PDE4B: variants seen among roughly 807,000 people sequenced by gnomAD.
PDE4B encodes the protein phosphodiesterase 4B.
Under a neutral mutation model 82.2 loss-of-function variants are expected in PDE4B, and 20 were observed. The ratio of observed to expected loss-of-function variants is 0.24; its 90% CI spans 0.17 to 0.35. The LOEUF is 0.35. Ranked by LOEUF, PDE4B falls within the 10% of genes least tolerant of loss-of-function variation. PDE4B has a pLI of 1.00. For missense variants in PDE4B, 655 were observed against 907.2 expected (o/e 0.72, Z 3.57); for synonymous variants, 320 against 318.9 (o/e 1.00, Z -0.04).
intron 3 of PDE4B, among the ~76,000 whole-genome samples, chr1:66,096,193 A>G (rs1263102279): frequency 6.6e-6 from 1 of 151,652 alleles, no homozygotes; most frequent in African/African-American, 2.4e-5. Context: ...CCTAGCCTCT[A>G]GTATCCTCTG....
intron 3 of PDE4B, among the ~76,000 whole-genome samples, chr1:66,184,822 A>G (rs1365071657): frequency 6.6e-6 from 1 of 150,430 alleles, no homozygotes; most frequent in Non-Finnish European, 1.5e-5. Context: ...TAACTCTTTA[A>G]CTTTATTGTG....
intron 7 of PDE4B, among the ~76,000 whole-genome samples, chr1:66,305,226 T>C (rs142784821): frequency 0.013 from 2,026 of 152,234 alleles, 24 homozygotes; most frequent in African/African-American, 0.033. Flanking sequence ...GTAATTGAGC[T>C]TAAAATCAAA....
chr1:66,370,331 G>T (rs377235192), intron 16 of PDE4B, among the ~76,000 whole-genome samples: 1 of 152,086 alleles, frequency 6.6e-6, no homozygotes, highest in Non-Finnish European at 1.5e-5. Flanking sequence ...TAATAGCAGT[G>T]ATGTTTTATG....
intron 7 of PDE4B, among the ~76,000 whole-genome samples, chr1:66,331,368 G>A (rs903233882): frequency 4.6e-5 from 7 of 152,252 alleles, no homozygotes; most frequent in Non-Finnish European, 7.4e-5. Context: ...GAGTCCAAGT[G>A]CTTTTTACAA....
intron 3 of PDE4B, among the ~76,000 whole-genome samples, chr1:66,072,397 C>A (rs1656198853): frequency 6.6e-6 from 1 of 152,234 alleles, no homozygotes; most frequent in South Asian, 2.1e-4. Context: ...ATGTTGCTAA[C>A]ATTTTTTCAA....
At chr1:66,325,353 G>A (rs564419550) in intron 7 of PDE4B, among the ~76,000 whole-genome samples, 38 of 152,298 alleles carry the variant, frequency 2.5e-4, no homozygotes, top group African/African-American at 8.9e-4. Context: ...AAGGAAAAGG[G>A]ATTTCCAATA....
chr1:66,234,753 G>A (rs1357750098), intron 3 of PDE4B, among the ~76,000 whole-genome samples: 1 of 150,546 alleles, frequency 6.6e-6, no homozygotes, highest in African/African-American at 2.4e-5. Context: ...AACCTGTTTT[G>A]GCTTCACTGA....
intron 3 of PDE4B, among the ~76,000 whole-genome samples, chr1:66,215,906 G>A (rs1218870003): frequency 1.3e-5 from 2 of 152,146 alleles, no homozygotes; most frequent in Admixed American, 1.3e-4. Flanking sequence ...GCCAAATGTT[G>A]AGCCAGTGGT....
chr1:66,010,841 A>G (rs1652442467), intron 3 of PDE4B, among the ~76,000 whole-genome samples: 1 of 149,656 alleles, frequency 6.7e-6, no homozygotes, highest in Admixed American at 6.6e-5. Context: ...AAGGAGAGAA[A>G]GATGATTAAT....
chr1:66,259,960 G>A (rs1419991550), intron 6 of PDE4B, among the ~76,000 whole-genome samples: 1 of 152,130 alleles, frequency 6.6e-6, no homozygotes, highest in Non-Finnish European at 1.5e-5. Flanking sequence ...TTTCTAATGT[G>A]TAAAATAGGG....
chr1:65,886,549 C>A (rs1046008761), intron 1 of PDE4B, among the ~76,000 whole-genome samples: 2 of 152,108 alleles, frequency 1.3e-5, no homozygotes, highest in African/African-American at 2.4e-5. Flanking sequence ...ACTTACACAC[C>A]CTTCTCAGCC....
At chr1:66,330,674 A>C (rs1660040532) in intron 7 of PDE4B, 2 of 603,818 alleles carry the variant, frequency 3.3e-6, no homozygotes, top group Non-Finnish European at 4.2e-6. Context: ...GCAGGGAATG[A>C]GAATGGGAGG....
intron 3 of PDE4B, among the ~76,000 whole-genome samples, chr1:66,092,317 CAA>C (rs1394445053): frequency 6.6e-6 from 1 of 151,958 alleles, no homozygotes; most frequent in Non-Finnish European, 1.5e-5. Flanking sequence ...TTGATACAAG[CAA>C]GAGTTCAGTT....
At chr1:65,924,871 A>C (rs1280603037) in intron 3 of PDE4B, among the ~76,000 whole-genome samples, 3 of 152,230 alleles carry the variant, frequency 2.0e-5, no homozygotes, top group Non-Finnish European at 4.4e-5. Flanking sequence ...TTTGAGAAAG[A>C]GAGACCAATA....
chr1:66,309,653 G>A (rs1434005920), intron 7 of PDE4B, among the ~76,000 whole-genome samples: 1 of 152,110 alleles, frequency 6.6e-6, no homozygotes, highest in East Asian at 1.9e-4. Flanking sequence ...TACAGGCTGT[G>A]CCACTCACTA....
chr1:65,963,047 T>G (rs1181204424), intron 3 of PDE4B, among the ~76,000 whole-genome samples: 1 of 152,180 alleles, frequency 6.6e-6, no homozygotes, highest in Non-Finnish European at 1.5e-5. Context: ...CATAGCTGAT[T>G]TCCAGCTACC....
chr1:65,885,630 A>G (rs1450298954), intron 1 of PDE4B, among the ~76,000 whole-genome samples: 4 of 151,644 alleles, frequency 2.6e-5, no homozygotes, highest in East Asian at 3.9e-4. Context: ...CAAACACCAC[A>G]TGTTCTCACT....
At chr1:66,321,444 T>C (rs1420667223) in intron 7 of PDE4B, among the ~76,000 whole-genome samples, 1 of 152,218 alleles carries the variant, frequency 6.6e-6, no homozygotes, top group Non-Finnish European at 1.5e-5. Flanking sequence ...GAAGTCATAA[T>C]GCCATCTTAG....
At chr1:66,265,989 G>C in intron 6 of PDE4B, 49 bp from the exon 7 acceptor site, 1 of 1,408,898 alleles carries the variant, frequency 7.1e-7, no homozygotes, top group Non-Finnish European at 1.0e-6. Context: ...GGGGTGGAAT[G>C]GGCAGTTTTG....
Sources: gnomAD v4.1 joint callset for allele counts (sites outside exome capture counted in the v4.1 genomes callset) on GRCh38, gnomAD v4.1.1 for gene constraint, MANE v1.5 for transcripts, NCBI Gene and HGNC (gene_info 2026-07-23, HGNC 2026-07-21) for gene names.